Variants in SET observed in about 807,000 individuals in gnomAD.
The protein encoded by SET is SET nuclear proto-oncogene.
SET carries 4 observed loss-of-function variants against 39.0 expected under a neutral mutation model. The observed-to-expected ratio is 0.10, with a 90% CI of 0.05 to 0.23. The LOEUF is 0.23. Among genes scored for constraint, SET ranks in the 10% least tolerant of loss-of-function variants. The pLI, the probability that SET is intolerant of heterozygous loss-of-function variation, is 1.00. For missense variants in SET, 137 were observed against 329.7 expected, an observed-to-expected ratio of 0.42 and a Z score of 4.53; for synonymous variants, 114 against 115.9, an observed-to-expected ratio of 0.98 and a Z score of 0.11.
At chr9:128,684,720 G>C (rs981173124), upstream of SET, among the ~76,000 whole-genome samples, 1 of 151,874 alleles carries the variant, frequency 6.6e-6, no homozygotes, top group Admixed American at 6.6e-5. Flanking sequence ...ACACCCACTT[G>C]CCCTTTCCTC....
chr9:128,683,886 C>T lies in SET; in HGVS notation c.-10C>T. Reference sequence around the variant, plus strand: ...GACTCGTGGTCTGGTTCTGGGACTTCCCTAACAGCATGGCCCCTAAACGCC... The same window carrying T: ...GACTCGTGGTCTGGTTCTGGGACTTTCCTAACAGCATGGCCCCTAAACGCC... On this transcript the variant is annotated 5_prime_UTR_variant, in exon 1 of 8. Coordinates refer to the SET transcript ENST00000372692. 3 of 1,548,166 alleles carry T rather than the reference C, an allele frequency of 1.9e-6. No homozygotes were observed. The Middle Eastern group carries it at 5.6e-4, about 290-fold the overall frequency.
rs1399845202 is a variant in SET at position 128,694,877 on chromosome 9, T to G, written c.*213T>G. On this transcript the variant is annotated 3_prime_UTR_variant, in exon 8 of 8. Coordinates refer to ENST00000322030, the MANE Select transcript of SET (RefSeq NM_003011.4). ...AATGGGAAAAGAGTCTCTACCCCTT[T>G]CTGTTCGAAGTTCATTTTTATCCCT... 4.7e-6 allele frequency: 2 copies of G among 425,700 alleles called. No homozygotes were observed. Among genetic ancestry groups the G allele is most frequent in the Non-Finnish European group, 8.2e-6 (2 of 243,052 alleles). 26.4% of individuals were successfully genotyped at this position (425,700 alleles called of 1,614,324 possible).
chr9:128,685,283 G>A, upstream of SET: 2 of 1,285,094 alleles, frequency 1.6e-6, no homozygotes, highest in South Asian at 2.5e-5. Context: ...CTGATCTCCA[G>A]GCTTGCTGTG....
rs1165228517 is a variant in SET at position 128,694,000 on chromosome 9, A to G, written c.768A>G (p.Glu256=). 4.5e-6 allele frequency: 7 copies of G among 1,549,770 alleles called. No individual in the cohort carries two copies. In the Admixed American group the frequency reaches 9.1e-5, roughly 20 times the overall value. ...TTGACGAAGAAGGGGATGAGGATGAAGGTGAAGAAGATGAAGATGATGATG... is the reference window on the plus strand; with the variant it reads ...TTGACGAAGAAGGGGATGAGGATGAGGGTGAAGAAGATGAAGATGATGATG... The part of the protein sequence containing the change: ...EDIDEEGDED[E]GEEDEDDDEG... The change falls in exon 7 of 8, where the codon GAA becomes GAG. Residue 256 remains glutamate (E), a synonymous_variant. Coordinates refer to ENST00000322030, the MANE Select transcript of SET (RefSeq NM_003011.4).
upstream of SET, among the ~76,000 whole-genome samples, chr9:128,688,374 A>T (rs73669964): frequency 5.9e-3 from 903 of 152,296 alleles, 6 homozygotes; most frequent in African/African-American, 0.021. Flanking sequence ...TTTGCCTCTC[A>T]AGTAGAACTT....
At chr9:128,688,748 C>A (rs1429092676), upstream of SET, among the ~76,000 whole-genome samples, 2 of 152,172 alleles carry the variant, frequency 1.3e-5, no homozygotes, top group Non-Finnish European at 2.9e-5. Flanking sequence ...TGAGTCCGAT[C>A]GGCAGTTCCC....
chr9:128,690,091 CG>C (rs1336694432), intron 1 of SET: 1 of 446,964 alleles, frequency 2.2e-6, no homozygotes, highest in Non-Finnish European at 3.0e-6. Context: ...CGGCCCGCGG[CG>C]GCGCCCCCGG....
upstream of SET, chr9:128,684,981 G>C: frequency 2.1e-6 from 3 of 1,415,734 alleles, no homozygotes; most frequent in Non-Finnish European, 2.8e-6. Context: ...TGGCTCATAG[G>C]GGAGGGTTGT....
upstream of SET, among the ~76,000 whole-genome samples, chr9:128,686,728 C>A (rs1335478361): frequency 6.6e-6 from 1 of 152,092 alleles, no homozygotes; most frequent in Non-Finnish European, 1.5e-5. Context: ...TCCCAGAGCT[C>A]TGGAAGGCTG....
Position 128,695,084 on chromosome 9 carries a change from C to A in SET, c.*420C>A, listed in dbSNP as rs1245985138. 1.3e-5 allele frequency: 3 copies of A among 228,772 alleles called. No homozygotes were observed. The highest frequency in any genetic ancestry group is 2.6e-5 in the Non-Finnish European group (3 of 114,852). The allele number at this position is 228,772 out of a possible 1,614,324, so 14.2% of individuals were successfully genotyped here. A position where few individuals can be genotyped will look rare whatever the true frequency, so the allele number is the denominator to read the frequency against. The stretch of plus-strand genomic sequence containing the variant: ...TGGGCTCAGAGAGTACACTGTGTCT[C>A]TATGTGAATATGGACAGTTAGCATT... On this transcript the variant is annotated 3_prime_UTR_variant, in exon 8 of 8. Transcript: ENST00000322030.
At chr9:128,690,053 G>A (rs1861464715) in intron 1 of SET, 11 of 958,988 alleles carry the variant, frequency 1.1e-5, no homozygotes, top group African/African-American at 1.8e-5. Flanking sequence ...CCCCGCGCCC[G>A]ACCTCCCGCG....
chr9:128,691,864 T>C lies in SET; in HGVS notation c.138T>C (p.Asn46=), dbSNP rs776079714. The C allele has an allele frequency of 3.1e-6, 5 of 1,611,448 alleles. No homozygotes were observed. Among genetic ancestry groups the C allele is most frequent in the Non-Finnish European group, 4.2e-6 (5 of 1,178,932 alleles). The change falls in exon 3 of 8, where the codon AAT becomes AAC. Residue 46 remains asparagine (N), a synonymous_variant. Coordinates refer to ENST00000322030, the MANE Select transcript of SET (RefSeq NM_003011.4). ...DEVQNEIDRL[N]EQASEEILKV... Reference sequence around the variant, plus strand: ...CTCTTTTCATTTGCTTCAGACTTAATGAACAAGCCAGTGAGGAGATTTTGA... The same window carrying C: ...CTCTTTTCATTTGCTTCAGACTTAACGAACAAGCCAGTGAGGAGATTTTGA...
At chr9:128,690,741 G>A (rs1484537754) in intron 1 of SET, 2 of 186,418 alleles carry the variant, frequency 1.1e-5, no homozygotes, top group East Asian at 3.2e-4. Context: ...GTTTTACCTT[G>A]ATAGGTGGTA....
intron 5 of SET, among the ~76,000 whole-genome samples, chr9:128,693,331 A>T (rs1275114026): frequency 1.3e-5 from 2 of 152,218 alleles, no homozygotes; most frequent in South Asian, 4.1e-4. Context: ...GAGCTCTTCA[A>T]ATGGCTTGCC....
At position 128,691,900 on chromosome 9, in the gene SET, G is replaced by A; in HGVS notation, c.174G>A (p.Gln58=). 1 of 1,613,646 alleles carries A rather than the reference G, an allele frequency of 6.2e-7. No homozygotes were observed. The highest frequency in any genetic ancestry group is 8.5e-7 in the Non-Finnish European group (1 of 1,179,766). ...GTGAGGAGATTTTGAAAGTAGAACA[G>A]AAATATAACAAACTCCGCCAACCAT... The part of the protein sequence containing the change: ...QASEEILKVE[Q]KYNKLRQPFF... The change falls in exon 3 of 8, where the codon CAG becomes CAA. Residue 58 remains glutamine, a synonymous_variant. Coordinates refer to ENST00000322030, the MANE Select transcript of SET (RefSeq NM_003011.4).
upstream of SET, among the ~76,000 whole-genome samples, chr9:128,688,118 G>A (rs1004016917): frequency 1.3e-5 from 2 of 152,178 alleles, no homozygotes; most frequent in African/African-American, 2.4e-5. Flanking sequence ...GGCCGAGGCA[G>A]GAGAATTGCT....
chr9:128,689,326 C>CCGCCTCCGCCT lies in SET; in HGVS notation c.-255_-245dup. On this transcript the variant is annotated 5_prime_UTR_variant, in exon 1 of 8. Coordinates refer to ENST00000322030, the MANE Select transcript of SET (RefSeq NM_003011.4). Reference sequence around the variant, plus strand: ...GAGGGAGCCGAGCCGCCCGCCGCCGCCGCCTCCGCCTCCCCTCCGCGAACA... The same window carrying CCGCCTCCGCCT: ...GAGGGAGCCGAGCCGCCCGCCGCCGCCGCCTCCGCCTCGCCTCCGCCTCCCCTCCGCGAACA... 9.6e-7 allele frequency: 1 copy of CCGCCTCCGCCT among 1,037,276 alleles called. No individual in the cohort carries two copies. Among genetic ancestry groups the CCGCCTCCGCCT allele is most frequent in the Non-Finnish European group, 1.2e-6 (1 of 862,672 alleles). 64.3% of individuals were successfully genotyped at this position (1,037,276 alleles called of 1,614,324 possible).
chr9:128,685,764 G>A (rs1486555769), upstream of SET, among the ~76,000 whole-genome samples: 3 of 152,198 alleles, frequency 2.0e-5, no homozygotes, highest in Non-Finnish European at 4.4e-5. Flanking sequence ...GGGCGCGGTG[G>A]CTGACGCCTG....
Position 128,684,031 on chromosome 9 carries a change from T to C in SET, c.112+24T>C, listed in dbSNP as rs373867950. On this transcript the variant is annotated intron_variant, in intron 1 of 7. Transcript: ENST00000372692. The stretch of plus-strand genomic sequence containing the variant: ...AGGTACGTTTCTGCGCTAAGTTTTA[T>C]TGGAGATTTAAGGGATTTGCAAGGA... The C allele has an allele frequency of 3.3e-6, 5 of 1,508,330 alleles. No individual in the cohort carries two copies. In the African/African-American group the frequency reaches 5.6e-5, roughly 17 times the overall value. 93.4% of individuals were successfully genotyped at this position (1,508,330 alleles called of 1,614,324 possible).
Sources: gnomAD v4.1 joint callset for allele counts (sites outside exome capture counted in the v4.1 genomes callset) on GRCh38, gnomAD v4.1.1 for gene constraint, MANE v1.5 for transcripts, NCBI Gene and HGNC (gene_info 2026-07-23, HGNC 2026-07-21) for gene names.